The following POLE variants were observed in gnomAD, a reference collection of about 807,000 sequenced individuals.
POLE encodes DNA polymerase epsilon catalytic subunit A.
In POLE, 188 loss-of-function variants were observed where a neutral mutation model predicts 279.2. The ratio of observed to expected loss-of-function variants is 0.67; its 90% CI spans 0.60 to 0.76. The LOEUF is 0.76. Among genes scored for constraint, POLE ranks in the 30% least tolerant of loss-of-function variants. The probability of loss-of-function intolerance (pLI) is 0.00; values close to 1 mark genes in which losing one functional copy is unlikely to be tolerated. For missense variants in POLE, 2,703 were observed against 3,016.7 expected, an observed-to-expected ratio of 0.90 and a Z score of 2.44; for synonymous variants, 1,214 against 1,172.5, an observed-to-expected ratio of 1.04 and a Z score of -0.72.
chr12:132,681,339 TTTTC>T, intron 1 of POLE, 60 bp from the exon 2 acceptor site: 1 of 1,526,332 alleles, frequency 6.6e-7, no homozygotes. Context: ...CTGCTTCTTT[TTTTC>T]TTTTTTTTCT....
rs1593785846 is a variant in POLE at position 132,665,466 on chromosome 12, A to T, written c.2320-16T>A. ...TTTTCCACACCTGAGAAGCACATGA[A>T]CATGGAGCACCTCACAGATTCTTCC... On this transcript the variant is annotated splice_polypyrimidine_tract_variant and intron_variant, in intron 20 of 48. Coordinates refer to ENST00000320574, the MANE Select transcript of POLE (RefSeq NM_006231.4). 2 of 1,597,484 alleles carry T rather than the reference A, an allele frequency of 1.3e-6. No individual in the cohort carries two copies. The highest frequency in any genetic ancestry group is 1.7e-4 in the Middle Eastern group (1 of 6,024).
At position 132,675,362 on chromosome 12, in the gene POLE, C is replaced by T. The variant is rs1409258629; in HGVS notation, c.1226+36G>A. The T allele has an allele frequency of 5.0e-6, 8 of 1,607,752 alleles. No homozygotes were observed. The highest frequency in any genetic ancestry group is 3.3e-4 in the Middle Eastern group (2 of 6,016). On this transcript the variant is annotated intron_variant, in intron 12 of 48. Transcript: ENST00000320574. The surrounding 1 kb of genome is among the most constrained non-coding windows in gnomAD (Gnocchi z 4.3). ...GAGGCCTTCAGATCTCGCTCACGGA[C>T]AGCAGTGAGGAGCCATGCTGCTCTG...
At chr12:132,660,523 TAA>T (rs2138684960) in intron 25 of POLE, 1 of 153,248 alleles carries the variant, frequency 6.5e-6, no homozygotes, top group Admixed American at 6.5e-5. Flanking sequence ...TATCTGGTAG[TAA>T]ATAATCGTGG....
intron 32 of POLE, chr12:132,648,698 T>A: frequency 2.2e-6 from 1 of 463,170 alleles, no homozygotes; most frequent in East Asian, 3.5e-5. Flanking sequence ...CCCCGCAACA[T>A]GGACCTCGCG....
At chr12:132,644,653 G>T (rs5744929) in intron 32 of POLE, among the ~76,000 whole-genome samples, 18,957 of 152,066 alleles carry the variant, frequency 0.12, 1,353 homozygotes, top group South Asian at 0.18. Flanking sequence ...GAGCCCCTGG[G>T]GGAGCCAGAG....
At chr12:132,651,916 A>C (rs1303119785) in intron 29 of POLE, among the ~76,000 whole-genome samples, 1 of 152,234 alleles carries the variant, frequency 6.6e-6, no homozygotes, top group Non-Finnish European at 1.5e-5. Flanking sequence ...GAGTGCATTT[A>C]AGTTGCTAAG....
chr12:132,662,990 C>CA (rs1335454403), intron 23 of POLE, among the ~76,000 whole-genome samples: 2 of 152,244 alleles, frequency 1.3e-5, no homozygotes, highest in Non-Finnish European at 2.9e-5. Context: ...AGGAAACAGA[C>CA]AATCGCCAGA....
chr12:132,651,404 C>A (rs2042419097), intron 29 of POLE: 1 of 152,218 alleles, frequency 6.6e-6, no homozygotes. Flanking sequence ...CGGAGAACAA[C>A]CACCTCCACC....
chr12:132,682,311 A>T (rs199807215), intron 1 of POLE, among the ~76,000 whole-genome samples: 860 of 74,416 alleles, frequency 0.012, 10 homozygotes, highest in Non-Finnish European at 0.023. Context: ...AAAATAAATA[A>T]AAATAAATAA....
chr12:132,674,772 T>G (rs1442006495), intron 12 of POLE, among the ~76,000 whole-genome samples: 1 of 152,166 alleles, frequency 6.6e-6, no homozygotes, highest in Non-Finnish European at 1.5e-5. Context: ...AGCACCCCAG[T>G]GGCACTGTGC....
chr12:132,647,190 A>G (rs1248517034), intron 32 of POLE, among the ~76,000 whole-genome samples: 2 of 152,104 alleles, frequency 1.3e-5, no homozygotes, highest in Non-Finnish European at 2.9e-5. Context: ...ATGTTAAAAC[A>G]TTAAACACTG....
intron 45 of POLE, among the ~76,000 whole-genome samples, chr12:132,631,699 G>A (rs1271931832): frequency 1.3e-5 from 2 of 152,180 alleles, no homozygotes; most frequent in South Asian, 2.1e-4. Flanking sequence ...CTCAGCATCC[G>A]AGCAAGCTCT....
At chr12:132,636,672 C>G (rs556634633) in intron 41 of POLE, among the ~76,000 whole-genome samples, 69 of 152,222 alleles carry the variant, frequency 4.5e-4, no homozygotes, top group Non-Finnish European at 9.9e-4. Context: ...GGGCAGATAG[C>G]TTGAGCCCAG....
Position 132,659,279 on chromosome 12 carries a change from T to TG in POLE, c.3275+15dup, listed in dbSNP as rs768202002. The TG allele has an allele frequency of 1.2e-6, 2 of 1,606,974 alleles. No homozygotes were observed. The highest frequency in any genetic ancestry group is 1.7e-6 in the Non-Finnish European group (2 of 1,175,538). On this transcript the variant is annotated intron_variant, in intron 26 of 48. Coordinates refer to ENST00000320574, the MANE Select transcript of POLE (RefSeq NM_006231.4). Reference sequence around the variant, plus strand: ...GGGAGGAGCCCTCACCTCTCCGTGATGGGGGGAGCCCTCACCTCTCCGTGA... The same window carrying TG: ...GGGAGGAGCCCTCACCTCTCCGTGATGGGGGGGAGCCCTCACCTCTCCGTGA...
At chr12:132,630,595 C>CA (rs1424413001) in intron 45 of POLE, among the ~76,000 whole-genome samples, 1 of 151,952 alleles carries the variant, frequency 6.6e-6, no homozygotes, top group Non-Finnish European at 1.5e-5. Context: ...ACTAAAAATA[C>CA]AAAAAATTGG....
At chr12:132,665,164 G>A (rs1282114826) in intron 21 of POLE, 138 bp downstream of exon 21, 11 of 953,988 alleles carry the variant, frequency 1.2e-5, no homozygotes, top group Non-Finnish European at 1.6e-5. Context: ...CCCCACCCCA[G>A]CCCAAAGCCT....
Position 132,667,663 on chromosome 12 carries a change from G to A in POLE, c.2174-15C>T, listed in dbSNP as rs750771177. The A allele has an allele frequency of 3.8e-5, 61 of 1,613,526 alleles. No homozygotes were observed. The highest frequency in any genetic ancestry group is 4.7e-5 in the Non-Finnish European group (55 of 1,179,890). On this transcript the variant is annotated splice_polypyrimidine_tract_variant and intron_variant, in intron 19 of 48. Transcript: ENST00000320574. ...CCGGCAGTAATCTAAGCACGACGGA[G>A]ATGGGCAGAGCAGGTGGGTGAGATC...
intron 29 of POLE, among the ~76,000 whole-genome samples, chr12:132,656,366 T>G (rs1194227308): frequency 7.2e-6 from 1 of 138,042 alleles, no homozygotes; most frequent in Non-Finnish European, 1.5e-5. Flanking sequence ...AACCTTTTTC[T>G]TTTTTTTTTT....
chr12:132,674,584 G>C (rs1034468066), intron 12 of POLE, among the ~76,000 whole-genome samples: 9 of 152,042 alleles, frequency 5.9e-5, no homozygotes, highest in Non-Finnish European at 1.0e-4. Flanking sequence ...CTAAGAACCA[G>C]CATCCCTGGG....
Sources: gnomAD v4.1 joint callset for allele counts (sites outside exome capture counted in the v4.1 genomes callset) on GRCh38, gnomAD v4.1.1 for gene constraint, Gnocchi (gnomAD v3.1) non-coding constraint, MANE v1.5 for transcripts, NCBI Gene and HGNC (gene_info 2026-07-23, HGNC 2026-07-21) for gene names.